Variants in AP2B1 observed in about 807,000 individuals in gnomAD.
AP2B1 encodes the protein AP-2 complex subunit beta.
Under a neutral mutation model 102.0 loss-of-function variants are expected in AP2B1, and 23 were observed. The ratio of observed to expected loss-of-function variants is 0.23; its 90% CI spans 0.16 to 0.32. The LOEUF is 0.32. AP2B1 is among the 10% of genes least tolerant of loss of function. The probability of loss-of-function intolerance (pLI) is 1.00; values close to 1 mark genes in which losing one functional copy is unlikely to be tolerated. For synonymous variants in AP2B1, 381 were observed against 421.2 expected, an observed-to-expected ratio of 0.90 and a Z score of 1.17; for missense variants, 541 against 1,157.4, an observed-to-expected ratio of 0.47 and a Z score of 7.73.
intron 5 of AP2B1, among the ~76,000 whole-genome samples, chr17:35,610,309 G>A (rs762364241): frequency 7.3e-5 from 11 of 151,694 alleles, no homozygotes; most frequent in Non-Finnish European, 1.5e-4. Flanking sequence ...TACCATGCCC[G>A]GCTAATTTTT....
At chr17:35,593,283 TAACTA>T (rs1262196654) in intron 1 of AP2B1, among the ~76,000 whole-genome samples, 1 of 152,136 alleles carries the variant, frequency 6.6e-6, no homozygotes, top group African/African-American at 2.4e-5. Flanking sequence ...CATTTAAAAA[TAACTA>T]AAAGAATGTA....
At chr17:35,591,485 A>G (rs1485754819) in intron 1 of AP2B1, among the ~76,000 whole-genome samples, 1 of 152,196 alleles carries the variant, frequency 6.6e-6, no homozygotes, top group African/African-American at 2.4e-5. Flanking sequence ...AAAAAATTTA[A>G]TATGTGTATG....
At chr17:35,708,251 G>A (rs997966659) in intron 18 of AP2B1, among the ~76,000 whole-genome samples, 5 of 152,258 alleles carry the variant, frequency 3.3e-5, no homozygotes, top group Non-Finnish European at 5.9e-5. Context: ...TTCCTACAGC[G>A]CTAAGAGCAT....
intron 18 of AP2B1, among the ~76,000 whole-genome samples, chr17:35,695,848 C>T (rs1234967466): frequency 6.6e-6 from 1 of 152,004 alleles, no homozygotes; most frequent in Non-Finnish European, 1.5e-5. Context: ...CCTTGGTTGC[C>T]GTTGTCTCAT....
chr17:35,603,902 T>A (rs1236040430), intron 3 of AP2B1, among the ~76,000 whole-genome samples: 2 of 152,180 alleles, frequency 1.3e-5, no homozygotes, highest in Non-Finnish European at 2.9e-5. Context: ...CTTGCTATTG[T>A]GTCTGCTGAA....
intron 6 of AP2B1, among the ~76,000 whole-genome samples, chr17:35,626,411 T>C (rs1341032509): frequency 2.0e-5 from 3 of 152,056 alleles, no homozygotes; most frequent in Admixed American, 2.0e-4. Flanking sequence ...CCTGAAGTCT[T>C]CTTATGTCCC....
At chr17:35,677,837 A>G (rs998743146) in intron 17 of AP2B1, among the ~76,000 whole-genome samples, 2 of 150,250 alleles carry the variant, frequency 1.3e-5, no homozygotes, top group East Asian at 2.0e-4. Flanking sequence ...AAGTATTTCA[A>G]ATTTTTGATG....
intron 5 of AP2B1, among the ~76,000 whole-genome samples, chr17:35,609,243 G>A (rs1181814446): frequency 3.3e-5 from 5 of 152,062 alleles, no homozygotes; most frequent in African/African-American, 4.8e-5. Flanking sequence ...GGAGTGCAGT[G>A]GTGCAGTCAT....
intron 20 of AP2B1, among the ~76,000 whole-genome samples, chr17:35,712,425 G>A (rs587764069): frequency 1.2e-3 from 184 of 152,158 alleles, no homozygotes; most frequent in African/African-American, 4.3e-3. Context: ...TCAGGAGATC[G>A]AGACCATCCT....
chr17:35,715,064 G>A (rs2076526690), intron 20 of AP2B1, among the ~76,000 whole-genome samples: 1 of 152,124 alleles, frequency 6.6e-6, no homozygotes, highest in Non-Finnish European at 1.5e-5. Context: ...TCTGCAATCC[G>A]TAAATCTTCA....
chr17:35,681,217 A>G (rs2075816793), intron 17 of AP2B1, among the ~76,000 whole-genome samples: 2 of 152,162 alleles, frequency 1.3e-5, no homozygotes, highest in Non-Finnish European at 2.9e-5. Context: ...ATTGTTTGGA[A>G]TTTATAAGCC....
At chr17:35,677,652 G>T (rs769332502) in intron 17 of AP2B1, among the ~76,000 whole-genome samples, 7 of 152,042 alleles carry the variant, frequency 4.6e-5, no homozygotes, top group Non-Finnish European at 1.0e-4. Context: ...AAAATGCTGA[G>T]ATTTTTATTG....
At chr17:35,671,686 G>T in intron 15 of AP2B1, 68 bp from the exon 16 acceptor site, 1 of 1,481,666 alleles carries the variant, frequency 6.7e-7, no homozygotes. Flanking sequence ...AAGATATATA[G>T]CAATATTTTA....
At chr17:35,652,240 T>C (rs1388799792) in intron 13 of AP2B1, among the ~76,000 whole-genome samples, 1 of 152,194 alleles carries the variant, frequency 6.6e-6, no homozygotes, top group East Asian at 1.9e-4. Context: ...TTTAAAAAAA[T>C]GCAAGTACAG....
At chr17:35,642,089 C>A (rs1255207279) in intron 12 of AP2B1, 114 bp downstream of exon 12, 5 of 654,124 alleles carry the variant, frequency 7.6e-6, no homozygotes, top group African/African-American at 1.8e-5. Flanking sequence ...GGAAGTATGG[C>A]CTTTAGATCC....
intron 2 of AP2B1, among the ~76,000 whole-genome samples, chr17:35,596,570 C>CG (rs2073283849): frequency 6.7e-6 from 1 of 149,718 alleles, no homozygotes; most frequent in South Asian, 2.1e-4. Context: ...TCCCAGTCCT[C>CG]GGGCGCCGTC....
At position 35,708,691 on chromosome 17, in the gene AP2B1, A is replaced by G. The variant is rs587617441; in HGVS notation, c.2455-533A>G. Among the ~76,000 whole-genome samples the G allele has an allele frequency of 2.0e-5, 3 of 152,288 alleles. No individual in the cohort carries two copies. In the South Asian group the frequency reaches 6.2e-4, roughly 32 times the overall value. On this transcript the variant is annotated intron_variant, in intron 18 of 21. Coordinates refer to ENST00000610402, the MANE Select transcript of AP2B1 (RefSeq NM_001030006.2). Reference sequence around the variant, plus strand: ...AAAAAAATAAAAAATAAGAGATAGTATGGCACTAGTTATTGTGGGGAGAAA... The same window carrying G: ...AAAAAAATAAAAAATAAGAGATAGTGTGGCACTAGTTATTGTGGGGAGAAA...
chr17:35,633,872 C>A (rs562087352), intron 9 of AP2B1, among the ~76,000 whole-genome samples: 1 of 152,230 alleles, frequency 6.6e-6, no homozygotes, highest in South Asian at 2.1e-4. Context: ...CTGGGCCAGG[C>A]GCTGTGGCTC....
chr17:35,678,606 TAAA>T (rs2075751275), intron 17 of AP2B1, among the ~76,000 whole-genome samples: 1 of 152,232 alleles, frequency 6.6e-6, no homozygotes, highest in Non-Finnish European at 1.5e-5. Flanking sequence ...CTGCATTTAC[TAAA>T]ATGATTATGT....
Sources: allele counts gnomAD v4.1 joint callset (sites outside exome capture counted in the v4.1 genomes callset), GRCh38; gene constraint gnomAD v4.1.1; transcripts MANE v1.5; gene names NCBI Gene and HGNC (gene_info 2026-07-23, HGNC 2026-07-21).